Variants in NBPF12 observed in about 807,000 individuals in gnomAD.
The protein encoded by NBPF12 is NBPF family member NBPF12.
In NBPF12, 115 loss-of-function variants were observed where a neutral mutation model predicts 146.4. That is an observed-to-expected ratio of 0.79 (90% confidence interval 0.68 to 0.92). NBPF12 has a LOEUF of 0.92. NBPF12 is among the 40% of genes least tolerant of loss of function. The pLI, the probability that NBPF12 is intolerant of heterozygous loss-of-function variation, is 0.00. For synonymous variants in NBPF12, 385 were observed against 508.9 expected, an observed-to-expected ratio of 0.76 and a Z score of 3.28; for missense variants, 1,205 against 1,326.8, an observed-to-expected ratio of 0.91 and a Z score of 1.43.
At chr1:146,985,946 C>T (rs1657726991) in intron 23 of NBPF12, among the ~76,000 whole-genome samples, 190 bp downstream of exon 26, 1 of 150,680 alleles carries the variant, frequency 6.6e-6, no homozygotes, top group Admixed American at 6.6e-5. Flanking sequence ...CATTTACTAA[C>T]TTACTATAGG....
intron 2 of NBPF12, among the ~76,000 whole-genome samples, chr1:146,956,130 G>GA (rs1306663156): frequency 1.3e-5 from 2 of 151,700 alleles, no homozygotes; most frequent in Non-Finnish European, 1.5e-5. Context: ...CGGAATGATA[G>GA]AAATGTCCAA....
chr1:146,962,956 C>A, intron 5 of NBPF12, 139 bp from the exon 9 acceptor site: 1 of 652,130 alleles, frequency 1.5e-6, no homozygotes, highest in South Asian at 1.9e-5. Context: ...CTCTTGGCCA[C>A]AGACATTCCT....
chr1:146,978,123 T>C (rs1657164305), intron 18 of NBPF12, among the ~76,000 whole-genome samples: 1 of 151,842 alleles, frequency 6.6e-6, no homozygotes, highest in Non-Finnish European at 1.5e-5. Flanking sequence ...CTTGCTTAGC[T>C]GCACAGTCAC....
chr1:146,954,969 AATATATATATATATATATATAT>A (rs1171967177), intron 2 of NBPF12, among the ~76,000 whole-genome samples: 1,434 of 53,460 alleles, frequency 0.027, 83 homozygotes, highest in Middle Eastern at 0.047. Context: ...CCAAATAGGG[AATATATATATATATATATATAT>A]ATATATATAT....
At chr1:146,944,682 A>C (rs1222757625), upstream of NBPF12, among the ~76,000 whole-genome samples, 2 of 151,626 alleles carry the variant, frequency 1.3e-5, no homozygotes, top group Non-Finnish European at 2.9e-5. Flanking sequence ...ATAGTTTTAC[A>C]GTAGTGCGTC....
intron 9 of NBPF12, among the ~76,000 whole-genome samples, chr1:146,966,900 C>T (rs1271949369): frequency 6.7e-6 from 1 of 150,296 alleles, no homozygotes. Context: ...AGTTAAACTG[C>T]CATTTATTGA....
intron 18 of NBPF12, 135 bp downstream of exon 21, chr1:146,977,806 T>C: frequency 1.5e-6 from 1 of 686,142 alleles, no homozygotes; most frequent in East Asian, 2.7e-5. Context: ...CAGGGAGTTT[T>C]TTTGTCCTTC....
chr1:146,962,731 G>A (rs1448735660), intron 5 of NBPF12, among the ~76,000 whole-genome samples: 1 of 148,070 alleles, frequency 6.8e-6, no homozygotes, highest in African/African-American at 2.5e-5. Flanking sequence ...TCTGTACATG[G>A]CTTTGTATCT....
At chr1:146,939,231 T>C (rs1374512409) in intron 1 of NBPF12, among the ~76,000 whole-genome samples, 1 of 152,014 alleles carries the variant, frequency 6.6e-6, no homozygotes, top group African/African-American at 2.4e-5. Context: ...GCGGGTGTTC[T>C]GTGGCATCCC....
intron 9 of NBPF12, 68 bp downstream of exon 12, chr1:146,966,741 G>A (rs1363474243): frequency 7.9e-5 from 71 of 899,684 alleles, no homozygotes; most frequent in Middle Eastern, 3.2e-4. Context: ...GAGAAACTAA[G>A]TGCTCTCTCC....
intron 13 of NBPF12, among the ~76,000 whole-genome samples, chr1:146,972,144 C>T (rs1656681328): frequency 6.6e-6 from 1 of 150,382 alleles, no homozygotes; most frequent in South Asian, 2.1e-4. Context: ...ATCTTAATCC[C>T]AGCACTTTGG....
chr1:146,951,358 T>C, exon 2 of NBPF12: 1 of 631,400 alleles, frequency 1.6e-6, no homozygotes, highest in South Asian at 1.9e-5. Context: ...CCCTTGAAGA[T>C]AAGGATGGTC....
chr1:146,962,469 C>T (rs1655916056), intron 5 of NBPF12, among the ~76,000 whole-genome samples: 2 of 151,872 alleles, frequency 1.3e-5, no homozygotes, highest in Non-Finnish European at 1.5e-5. Context: ...CTTGTTTTCT[C>T]TTTTTCAAAC....
chr1:146,977,297 G>A (rs1553887518), intron 17 of NBPF12, among the ~76,000 whole-genome samples, 169 bp from the exon 21 acceptor site: 1 of 148,976 alleles, frequency 6.7e-6, no homozygotes, highest in Admixed American at 6.7e-5. Flanking sequence ...TGGCAGCCGT[G>A]CTCTGTTGCA....
rs1656104537 is a variant in NBPF12 at position 146,965,123 on chromosome 1, G to A, written c.778+19G>A. On this transcript the variant is annotated intron_variant, in intron 8 of 33. Coordinates refer to ENST00000617844, the Ensembl canonical transcript of NBPF12. ...CTCCCAGGTAGCCTCTATTTTCCTT[G>A]TGTCTCATACCTCTGTCTAGGCTAT... 1.5e-6 allele frequency: 2 copies of A among 1,345,786 alleles called. No individual in the cohort carries two copies. Among genetic ancestry groups the A allele is most frequent in the African/African-American group, 1.5e-5 (1 of 66,792 alleles). 83.4% of individuals were successfully genotyped at this position (1,345,786 alleles called of 1,614,324 possible).
chr1:146,960,350 G>A, intron 4 of NBPF12, 32 bp downstream of exon 7: 1 of 1,482,594 alleles, frequency 6.7e-7, no homozygotes. Flanking sequence ...TCATGAAAGT[G>A]ATGAATGATG....
intron 12 of NBPF12, 128 bp downstream of exon 15, chr1:146,970,847 A>G (rs1553886299): frequency 1.9e-5 from 20 of 1,037,974 alleles, no homozygotes; most frequent in Admixed American, 1.2e-4. Context: ...GTGAAATTCA[A>G]CCCAGCTTAG....
intron 4 of NBPF12, among the ~76,000 whole-genome samples, chr1:146,961,881 T>A (rs1275547126): frequency 6.6e-6 from 1 of 152,106 alleles, no homozygotes; most frequent in Admixed American, 6.5e-5. Context: ...GAGTCAGACC[T>A]CAGGGGCTGT....
intron 12 of NBPF12, 22 bp from the exon 16 acceptor site, chr1:146,971,161 T>C (rs1656586554): frequency 1.2e-6 from 2 of 1,610,832 alleles, no homozygotes; most frequent in Non-Finnish European, 1.7e-6. Flanking sequence ...TTCTGTCATC[T>C]CTGTCCCACC....
Sources: gnomAD v4.1 joint callset for allele counts (sites outside exome capture counted in the v4.1 genomes callset) on GRCh38, gnomAD v4.1.1 for gene constraint, MANE v1.5 for transcripts, NCBI Gene and HGNC (gene_info 2026-07-23, HGNC 2026-07-21) for gene names.